Variants in SRL observed in about 807,000 individuals in gnomAD.
The protein encoded by SRL is sarcalumenin.
SRL carries 23 observed loss-of-function variants against 39.5 expected under a neutral mutation model. That is an observed-to-expected ratio of 0.58 (90% CI 0.42 to 0.82). The LOEUF is 0.82. Among genes scored for constraint, SRL ranks in the 40% least tolerant of loss-of-function variants. SRL has a pLI of 0.00. For synonymous variants in SRL, 272 were observed against 237.4 expected (o/e 1.15, Z -1.34); for missense variants, 592 against 607.8 (o/e 0.97, Z 0.27).
chr16:4,215,122 T>A (rs1373873963), intron 1 of SRL, among the ~76,000 whole-genome samples: 1 of 152,202 alleles, frequency 6.6e-6, no homozygotes, highest in African/African-American at 2.4e-5. Flanking sequence ...CTGTTGCCCA[T>A]AAGGACCCGA....
At chr16:4,207,682 C>T (rs1350999679) in intron 1 of SRL, 2 of 421,972 alleles carry the variant, frequency 4.7e-6, no homozygotes, top group Admixed American at 2.7e-5. Flanking sequence ...GTGGGGAGCC[C>T]AAACCCAGTC....
At chr16:4,203,000 C>A (rs1279950528) in intron 3 of SRL, among the ~76,000 whole-genome samples, 166 bp downstream of exon 3, 4 of 152,214 alleles carry the variant, frequency 2.6e-5, no homozygotes, top group Admixed American at 1.3e-4. Context: ...TTCCAACTCC[C>A]AGGGGGAGCC....
intron 1 of SRL, among the ~76,000 whole-genome samples, chr16:4,209,560 A>G (rs2386882): frequency 0.54 from 82,360 of 151,952 alleles, 23,025 homozygotes; most frequent in Middle Eastern, 0.69. Flanking sequence ...CACTTCTTGG[A>G]GTACCCCTTC....
chr16:4,195,915 T>C (rs763214229), intron 4 of SRL, 129 bp from the exon 5 acceptor site: 19 of 724,254 alleles, frequency 2.6e-5, no homozygotes, highest in Non-Finnish European at 3.6e-5. Flanking sequence ...TGCCAAGCTA[T>C]TGGGGCTTTC....
At chr16:4,200,789 T>C (rs1489689943) in intron 3 of SRL, among the ~76,000 whole-genome samples, 1 of 152,214 alleles carries the variant, frequency 6.6e-6, no homozygotes, top group Non-Finnish European at 1.5e-5. Context: ...TGTGTGATCC[T>C]GGGTAACCCA....
At chr16:4,240,373 C>T (rs2052759874) in intron 1 of SRL, among the ~76,000 whole-genome samples, 1 of 152,062 alleles carries the variant, frequency 6.6e-6, no homozygotes, top group South Asian at 2.1e-4. Context: ...TAGAACCTGC[C>T]GGTGGATGCA....
At chr16:4,217,924 G>A (rs1362262614) in intron 1 of SRL, among the ~76,000 whole-genome samples, 3 of 152,076 alleles carry the variant, frequency 2.0e-5, no homozygotes, top group Non-Finnish European at 4.4e-5. Context: ...CCATCCTTCT[G>A]CCAGGGACTC....
At chr16:4,217,058 A>G (rs2052469089) in intron 1 of SRL, among the ~76,000 whole-genome samples, 1 of 152,162 alleles carries the variant, frequency 6.6e-6, no homozygotes, top group Non-Finnish European at 1.5e-5. Context: ...CCCATCCCCA[A>G]TCCAGGGAAG....
Position 4,213,910 on chromosome 16 carries a change from C to T in SRL, c.62-9276G>A, listed in dbSNP as rs530885635. Among the ~76,000 whole-genome samples, 6 of 152,268 alleles carry T rather than the reference C, an allele frequency of 3.9e-5. No individual in the cohort carries two copies. In the East Asian group the frequency reaches 9.7e-4, roughly 25 times the overall value. ...AAACACACGGAAGTCAAGTCGTTTGCCTCACAAGTCATTCCAGGGATGGGC... is the reference window on the plus strand; with the variant it reads ...AAACACACGGAAGTCAAGTCGTTTGTCTCACAAGTCATTCCAGGGATGGGC... On this transcript the variant is annotated intron_variant, in intron 1 of 5. Transcript: ENST00000399609.
Position 4,193,261 on chromosome 16 carries a change from C to T in SRL, c.611-297G>A, listed in dbSNP as rs556556208. ...ATAGCTCACTGCAGCCTCAACCTCCCGGGTTTAAGAATCCTCCCACCTCAG... is the reference window on the plus strand; with the variant it reads ...ATAGCTCACTGCAGCCTCAACCTCCTGGGTTTAAGAATCCTCCCACCTCAG... On this transcript the variant is annotated intron_variant, in intron 5 of 5. Coordinates refer to ENST00000399609, the MANE Select transcript of SRL (RefSeq NM_001098814.2). Among the ~76,000 whole-genome samples, 151 of 152,168 alleles carry T rather than the reference C, an allele frequency of 9.9e-4. 1 individual carries two copies. Among genetic ancestry groups the T allele is most frequent in the African/African-American group, 3.5e-3 (144 of 41,498 alleles).
chr16:4,234,897 C>A (rs576217725), intron 1 of SRL, among the ~76,000 whole-genome samples: 2 of 152,218 alleles, frequency 1.3e-5, no homozygotes, highest in Non-Finnish European at 2.9e-5. Context: ...TTGGGTGAGA[C>A]CTTGCCTGCC....
At chr16:4,200,737 T>C (rs1362399002) in intron 3 of SRL, among the ~76,000 whole-genome samples, 1 of 152,204 alleles carries the variant, frequency 6.6e-6, no homozygotes, top group African/African-American at 2.4e-5. Flanking sequence ...CTACAAAAAA[T>C]AGTACAGGTA....
At chr16:4,241,892 A>G in intron 1 of SRL, 115 bp downstream of exon 1, 1 of 1,115,256 alleles carries the variant, frequency 9.0e-7, no homozygotes, top group Non-Finnish European at 1.3e-6. Context: ...GACACCAGCC[A>G]AGAGCCAGGG....
At chr16:4,219,389 G>A (rs2052495915) in intron 1 of SRL, among the ~76,000 whole-genome samples, 1 of 152,202 alleles carries the variant, frequency 6.6e-6, no homozygotes, top group Non-Finnish European at 1.5e-5. Flanking sequence ...TCCTACAAAG[G>A]ACAGCCCCTT....
At chr16:4,218,067 G>A (rs1184984269) in intron 1 of SRL, among the ~76,000 whole-genome samples, 1 of 152,136 alleles carries the variant, frequency 6.6e-6, no homozygotes, top group African/African-American at 2.4e-5. Context: ...ACTCCCAGGG[G>A]CCAGGAGCTC....
chr16:4,227,185 G>C (rs2052602668), intron 1 of SRL, among the ~76,000 whole-genome samples: 1 of 151,494 alleles, frequency 6.6e-6, no homozygotes, highest in African/African-American at 2.4e-5. Context: ...TAGATGAATG[G>C]ACAGACGGAC....
intron 3 of SRL, among the ~76,000 whole-genome samples, chr16:4,202,195 T>A (rs2052244020): frequency 6.6e-6 from 1 of 152,170 alleles, no homozygotes; most frequent in Non-Finnish European, 1.5e-5. Flanking sequence ...GGATCCCATG[T>A]TTGTAAAAAC....
At chr16:4,228,366 G>A (rs1207933067) in intron 1 of SRL, among the ~76,000 whole-genome samples, 1 of 152,172 alleles carries the variant, frequency 6.6e-6, no homozygotes, top group African/African-American at 2.4e-5. Flanking sequence ...AACCCGGGAG[G>A]TGGAGGTTGC....
chr16:4,209,947 G>A (rs146733521), intron 1 of SRL, among the ~76,000 whole-genome samples: 1 of 152,238 alleles, frequency 6.6e-6, no homozygotes, highest in African/African-American at 2.4e-5. Context: ...GGGCACAGGG[G>A]ACCCCTTCCT....
Sources: allele counts gnomAD v4.1 joint callset (sites outside exome capture counted in the v4.1 genomes callset), GRCh38; gene constraint gnomAD v4.1.1; transcripts MANE v1.5; gene names NCBI Gene and HGNC (gene_info 2026-07-23, HGNC 2026-07-21).